The following OR56A3 variants were observed in gnomAD, a reference collection of about 807,000 sequenced individuals.
OR56A3 encodes olfactory receptor 56A3.
Under a neutral mutation model 17.5 loss-of-function variants are expected in OR56A3, and 23 were observed. The ratio of observed to expected loss-of-function variants is 1.32; its 90% CI spans 0.95 to 1.87. The LOEUF (loss-of-function observed/expected upper bound fraction) is 1.87, where lower values mean the gene tolerates loss of function less well. Among genes scored for constraint, OR56A3 ranks in the 40% most tolerant of loss-of-function variants. The probability of loss-of-function intolerance (pLI) is 0.00; values close to 1 mark genes in which losing one functional copy is unlikely to be tolerated. For missense variants in OR56A3, 366 were observed against 380.1 expected (o/e 0.96, Z 0.31); for synonymous variants, 175 against 150.6 (o/e 1.16, Z -1.19).
downstream of OR56A3, among the ~76,000 whole-genome samples, chr11:5,953,612 A>G (rs935321416): frequency 1.3e-5 from 2 of 152,172 alleles, no homozygotes; most frequent in Non-Finnish European, 2.9e-5. Context: ...CTAGGTAAAG[A>G]GTACAGACCC....
intron 2 of OR56A3, among the ~76,000 whole-genome samples, chr11:5,945,579 T>C (rs376217086): frequency 1.7e-5 from 2 of 114,542 alleles, no homozygotes; most frequent in African/African-American, 7.6e-5. Flanking sequence ...AGACCCCATA[T>C]AAAAAAAAAA....
the OR56A3 span, among the ~76,000 whole-genome samples, chr11:5,978,276 A>C: frequency 1.3e-5 from 2 of 152,092 alleles, no homozygotes; most frequent in African/African-American, 4.8e-5. Context: ...ATAGTATTGA[A>C]TCTCTAAATT....
the OR56A3 span, among the ~76,000 whole-genome samples, chr11:5,970,251 A>C: frequency 6.6e-6 from 1 of 152,244 alleles, no homozygotes; most frequent in Admixed American, 6.5e-5. Context: ...AGAATATATA[A>C]ATTAAAGACA....
At chr11:6,004,407 C>T in the OR56A3 span, among the ~76,000 whole-genome samples, 5 of 152,278 alleles carry the variant, frequency 3.3e-5, no homozygotes, top group South Asian at 6.2e-4. Flanking sequence ...AGCATAGCTA[C>T]AATGACTGAT....
chr11:5,962,133 T>C, the OR56A3 span, among the ~76,000 whole-genome samples: 32 of 152,370 alleles, frequency 2.1e-4, no homozygotes, highest in African/African-American at 7.2e-4. Flanking sequence ...TTTTTCTACA[T>C]AGTGAAATGA....
chr11:6,020,833 CTAA>C, the OR56A3 span: 13 of 152,060 alleles, frequency 8.5e-5, no homozygotes, highest in Non-Finnish European at 1.5e-4. Flanking sequence ...GCTAGGACTT[CTAA>C]TACTATGTTG....
chr11:5,965,984 A>C, the OR56A3 span, among the ~76,000 whole-genome samples: 1 of 152,142 alleles, frequency 6.6e-6, no homozygotes, highest in African/African-American at 2.4e-5. Context: ...AGAGTGAAAA[A>C]TTTTGTATTT....
the OR56A3 span, among the ~76,000 whole-genome samples, chr11:5,959,495 T>G: frequency 1.3e-5 from 2 of 152,150 alleles, no homozygotes; most frequent in African/African-American, 4.8e-5. Context: ...TGCCTGTTTT[T>G]TATTATTTGT....
the OR56A3 span, among the ~76,000 whole-genome samples, chr11:5,991,404 G>A: frequency 6.6e-6 from 1 of 152,014 alleles, no homozygotes; most frequent in Admixed American, 6.6e-5. Flanking sequence ...TAGAGTCCAG[G>A]CCACTGTTAA....
the OR56A3 span, among the ~76,000 whole-genome samples, chr11:5,975,204 A>G: frequency 1.3e-5 from 2 of 152,222 alleles, no homozygotes; most frequent in Non-Finnish European, 2.9e-5. Context: ...TCTTAAGGCC[A>G]GGGCTTGTGA....
chr11:6,013,165 G>A, the OR56A3 span, among the ~76,000 whole-genome samples: 23 of 152,366 alleles, frequency 1.5e-4, no homozygotes, highest in African/African-American at 5.5e-4. Context: ...GCCTGGGAGG[G>A]TGGGGCTGCT....
rs1220381964 is a variant in OR56A3, at chr11:5,947,562, G to T, written c.216G>T (p.Leu72=). 6.2e-7 allele frequency: 1 copy of T among 1,613,986 alleles called. No homozygotes were observed. Among genetic ancestry groups the T allele is most frequent in the Non-Finnish European group, 8.5e-7 (1 of 1,180,038 alleles). The change falls in exon 3 of 3, where the codon CTG becomes CTT. Residue 72 remains leucine (L), a synonymous_variant. Coordinates refer to ENST00000641160, the MANE Select transcript of OR56A3 (RefSeq NM_001003443.3). The part of the protein sequence containing the change: ...PLYYLLSLLS[L]LDIVLCLTVI... Reference sequence around the variant, plus strand: ...ACTACCTGCTCAGCCTCCTCTCCCTGCTGGACATCGTGCTCTGCCTCACTG... The same window carrying T: ...ACTACCTGCTCAGCCTCCTCTCCCTTCTGGACATCGTGCTCTGCCTCACTG...
the OR56A3 span, among the ~76,000 whole-genome samples, chr11:5,998,402 G>T: frequency 2.0e-5 from 3 of 152,096 alleles, no homozygotes; most frequent in Non-Finnish European, 2.9e-5. Flanking sequence ...CTGAATCAGA[G>T]GCCCTCACTT....
In OR56A3 at chr11:5,948,133, G is replaced by C. The variant is rs750970600; in HGVS notation, c.787G>C (p.Val263Leu). The stretch of plus-strand genomic sequence containing the variant: ...CTTCAGCACCATCCTTCTGGTTTTT[G>C]TCCTCACACATGTGGCTAAGAAGAA... ...LFFSTILLVFVLTHVAKKKVS... is the reference protein window; with the variant it reads ...LFFSTILLVFLLTHVAKKKVS... The change falls in exon 3 of 3, where the codon GTC becomes CTC. Residue 263 changes from valine to leucine, a missense_variant. Transcript: ENST00000641160. 5.6e-6 allele frequency: 9 copies of C among 1,614,076 alleles called. No individual in the cohort carries two copies. The highest frequency in any genetic ancestry group is 7.6e-6 in the Non-Finnish European group (9 of 1,180,046).
chr11:5,960,046 C>A, the OR56A3 span, among the ~76,000 whole-genome samples: 3 of 152,068 alleles, frequency 2.0e-5, no homozygotes, highest in Non-Finnish European at 4.4e-5. Context: ...TATGCCAGTA[C>A]CGTACTGTTT....
At chr11:5,991,012 T>C in the OR56A3 span, among the ~76,000 whole-genome samples, 8 of 152,214 alleles carry the variant, frequency 5.3e-5, no homozygotes, top group Non-Finnish European at 1.2e-4. Context: ...ATCTCCATGA[T>C]GAAATTCTGC....
the OR56A3 span, chr11:5,993,765 C>G: frequency 4.6e-6 from 1 of 219,602 alleles, no homozygotes; most frequent in Admixed American, 5.1e-5. Context: ...TGTTATTTTA[C>G]TCAGCATATC....
chr11:5,986,372 A>C, the OR56A3 span: 399 of 1,613,880 alleles, frequency 2.5e-4, no homozygotes, highest in Non-Finnish European at 3.2e-4. Context: ...GTGGCTTGGC[A>C]GAAGATAAGT....
the OR56A3 span, among the ~76,000 whole-genome samples, chr11:5,992,971 T>C: frequency 1.3e-5 from 2 of 152,134 alleles, no homozygotes; most frequent in South Asian, 2.1e-4. Flanking sequence ...TTTTCACTAG[T>C]CATGGGATGA....
Sources: allele counts gnomAD v4.1 joint callset (sites outside exome capture counted in the v4.1 genomes callset), GRCh38; gene constraint gnomAD v4.1.1; transcripts MANE v1.5; gene names NCBI Gene and HGNC (gene_info 2026-07-23, HGNC 2026-07-21).